Variants in SRPK2 observed in about 807,000 individuals in gnomAD.
SRPK2 encodes SFRS protein kinase 2.
SRPK2 carries 21 observed loss-of-function variants against 90.8 expected under a neutral mutation model. The observed-to-expected ratio is 0.23, with a 90% CI of 0.16 to 0.33. The LOEUF is 0.33. Among genes scored for constraint, SRPK2 ranks in the 10% least tolerant of loss-of-function variants. The pLI, the probability that SRPK2 is intolerant of heterozygous loss-of-function variation, is 1.00. For synonymous variants in SRPK2, 288 were observed against 311.1 expected (o/e 0.93, Z 0.78); for missense variants, 620 against 869.0 (o/e 0.71, Z 3.60).
intron 2 of SRPK2, among the ~76,000 whole-genome samples, chr7:105,381,503 A>AG (rs1820950085): frequency 6.6e-6 from 1 of 152,040 alleles, no homozygotes; most frequent in Non-Finnish European, 1.5e-5. Flanking sequence ...AAACAAAAAA[A>AG]CTAAGCACTA....
At chr7:105,355,499 A>T (rs1418095744) in intron 2 of SRPK2, among the ~76,000 whole-genome samples, 1 of 152,054 alleles carries the variant, frequency 6.6e-6, no homozygotes, top group African/African-American at 2.4e-5. Flanking sequence ...AAAAATTTTT[A>T]AAAAATTAGC....
At chr7:105,321,861 A>G (rs1456869795) in intron 2 of SRPK2, among the ~76,000 whole-genome samples, 1 of 152,202 alleles carries the variant, frequency 6.6e-6, no homozygotes, top group African/African-American at 2.4e-5. Flanking sequence ...GGAATATAAA[A>G]TGGTATCTTT....
chr7:105,264,946 T>C (rs906298208), intron 2 of SRPK2, among the ~76,000 whole-genome samples: 1 of 152,178 alleles, frequency 6.6e-6, no homozygotes, highest in Non-Finnish European at 1.5e-5. Flanking sequence ...CTTTCTTTAC[T>C]GATTAAGAAT....
chr7:105,377,173 G>C (rs1321681095), intron 2 of SRPK2, among the ~76,000 whole-genome samples: 1 of 152,054 alleles, frequency 6.6e-6, no homozygotes, highest in Non-Finnish European at 1.5e-5. Context: ...CTTGGTTTCT[G>C]TAAGACAACT....
chr7:105,232,865 T>C (rs1266906436), intron 2 of SRPK2, among the ~76,000 whole-genome samples: 1 of 151,886 alleles, frequency 6.6e-6, no homozygotes, highest in Admixed American at 6.6e-5. Flanking sequence ...ATACAAAAAT[T>C]AGGTGGGTGT....
In SRPK2 at chr7:105,274,443, T is replaced by G. The variant is rs188580416; in HGVS notation, c.72-70658A>C. On this transcript the variant is annotated intron_variant, in intron 2 of 15. Coordinates refer to ENST00000393651, the MANE Select transcript of SRPK2 (RefSeq NM_182692.3). ...CTGGCGTGGTGGCAGATGCCTGTAA[T>G]CCCAGCTACTCGGGAGGCTGAGGCA... Among the ~76,000 whole-genome samples, 637 of 152,034 alleles carry G rather than the reference T, an allele frequency of 4.2e-3. 3 individuals are homozygous for G. Among genetic ancestry groups the G allele is most frequent in the African/African-American group, 0.015 (608 of 41,462 alleles).
intron 3 of SRPK2, among the ~76,000 whole-genome samples, chr7:105,175,748 T>C (rs1791757470): frequency 6.6e-6 from 1 of 152,006 alleles, no homozygotes; most frequent in Admixed American, 6.6e-5. Context: ...GTTATACCTA[T>C]ACATGTGAAA....
intron 2 of SRPK2, among the ~76,000 whole-genome samples, chr7:105,280,228 A>C (rs2130797206): frequency 6.6e-6 from 1 of 152,222 alleles, no homozygotes; most frequent in South Asian, 2.1e-4. Context: ...CAGCCTGGAT[A>C]ATATGGTGAA....
intron 13 of SRPK2, among the ~76,000 whole-genome samples, chr7:105,129,518 GC>G (rs1351299527): frequency 6.7e-6 from 1 of 150,374 alleles, no homozygotes; most frequent in African/African-American, 2.4e-5. Context: ...AGGACTATAG[GC>G]ACGTGCCACC....
At chr7:105,185,301 G>C (rs954143372) in intron 3 of SRPK2, among the ~76,000 whole-genome samples, 6 of 151,760 alleles carry the variant, frequency 4.0e-5, no homozygotes, top group Admixed American at 2.0e-4. Flanking sequence ...AAAATTCTTA[G>C]TAACTAAAAA....
At chr7:105,375,267 G>C (rs992057446) in intron 2 of SRPK2, among the ~76,000 whole-genome samples, 18 of 152,142 alleles carry the variant, frequency 1.2e-4, no homozygotes, top group Non-Finnish European at 1.6e-4. Context: ...ACAATACTGA[G>C]ATAGGGACTT....
At chr7:105,278,443 G>A (rs1029043296) in intron 2 of SRPK2, among the ~76,000 whole-genome samples, 2 of 151,668 alleles carry the variant, frequency 1.3e-5, no homozygotes, top group Non-Finnish European at 2.9e-5. Context: ...GGAGGCCAAG[G>A]CTGGTGGATG....
chr7:105,192,825 A>G (rs536240404), intron 3 of SRPK2, among the ~76,000 whole-genome samples: 5 of 152,042 alleles, frequency 3.3e-5, no homozygotes, highest in Non-Finnish European at 7.4e-5. Context: ...TTCATAGTCT[A>G]TTGGCCATCT....
chr7:105,178,126 T>TA (rs1792235355), intron 3 of SRPK2, among the ~76,000 whole-genome samples: 1 of 150,844 alleles, frequency 6.6e-6, no homozygotes, highest in South Asian at 2.1e-4. Flanking sequence ...GTGATATCAA[T>TA]AAAAATGTTT....
intron 2 of SRPK2, among the ~76,000 whole-genome samples, chr7:105,288,344 C>T (rs576855512): frequency 1.9e-4 from 29 of 152,272 alleles, no homozygotes; most frequent in Admixed American, 4.6e-4. Context: ...TGCCTGTAAT[C>T]CCAGCACTTT....
intron 2 of SRPK2, among the ~76,000 whole-genome samples, chr7:105,262,672 T>A (rs998812128): frequency 6.6e-6 from 1 of 152,064 alleles, no homozygotes; most frequent in Non-Finnish European, 1.5e-5. Flanking sequence ...CACCCTAGGG[T>A]CACTTACTGG....
At chr7:105,336,688 CT>C (rs991760283) in intron 2 of SRPK2, among the ~76,000 whole-genome samples, 13 of 152,320 alleles carry the variant, frequency 8.5e-5, no homozygotes, top group Admixed American at 7.8e-4. Flanking sequence ...TTTAAAACTA[CT>C]TCCAGATTTT....
intron 3 of SRPK2, among the ~76,000 whole-genome samples, chr7:105,178,166 A>G (rs532472993): frequency 3.3e-5 from 5 of 152,298 alleles, no homozygotes; most frequent in South Asian, 2.1e-4. Flanking sequence ...TTTCCTCATC[A>G]GTAATTTAAA....
chr7:105,315,117 A>T (rs772649968), intron 2 of SRPK2, among the ~76,000 whole-genome samples: 32 of 152,296 alleles, frequency 2.1e-4, no homozygotes, highest in Non-Finnish European at 4.3e-4. Context: ...CTCTATTTTT[A>T]AAAAATAGAA....
Sources: gnomAD v4.1 joint callset for allele counts (sites outside exome capture counted in the v4.1 genomes callset) on GRCh38, gnomAD v4.1.1 for gene constraint, MANE v1.5 for transcripts, NCBI Gene and HGNC (gene_info 2026-07-23, HGNC 2026-07-21) for gene names.